Variants in TIFAB observed in about 807,000 individuals in gnomAD.
The protein encoded by TIFAB is TRAF-interacting protein with FHA domain-containing protein B.
For missense variants in TIFAB, 222 were observed against 203.6 expected (o/e 1.09, Z -0.55); for synonymous variants, 116 against 95.2 (o/e 1.22, Z -1.27).
rs1458295016 is a variant in TIFAB at position 135,446,780 on chromosome 5, T to C, written c.*2674A>G. On this transcript the variant is annotated 3_prime_UTR_variant, in exon 2 of 2. Coordinates refer to ENST00000537858, the MANE Select transcript of TIFAB (RefSeq NM_001099221.2). ...CCTTCTGCTGCTATGCAGTTCATCC[T>C]GGGTCCCTGAGGGCCTCGCAGATGC... 2.5e-6 allele frequency: 4 copies of C among 1,613,952 alleles called. No homozygotes were observed. Among genetic ancestry groups the C allele is most frequent in the Non-Finnish European group, 3.4e-6 (4 of 1,179,832 alleles).
chr5:135,449,477 G>A lies in TIFAB; in HGVS notation c.463C>T (p.Gln155Ter). The A allele has an allele frequency of 5.0e-6, 8 of 1,614,044 alleles. No individual in the cohort carries two copies. Among genetic ancestry groups the A allele is most frequent in the Non-Finnish European group, 6.8e-6 (8 of 1,180,016 alleles). Residue 155 changes from glutamine to a stop codon, truncating the protein, a stop_gained, in exon 2 of 2, where the codon CAG becomes TAG. Transcript: ENST00000537858. LOFTEE classifies it low-confidence loss of function (END_TRUNC). ...TGCTACCCTGAACCAGGGGGAGGCT[G>A]CCCCTGGGAGATGCCTTCCCATTCG... ...TDEWEGISQG[Q>*]PPPGSG
rs960779952 is a variant in TIFAB at position 135,447,386 on chromosome 5, G to A, written c.*2068C>T. On this transcript the variant is annotated 3_prime_UTR_variant, in exon 2 of 2. Coordinates refer to ENST00000537858, the MANE Select transcript of TIFAB (RefSeq NM_001099221.2). ...TGGGGTGTGAGTCTTCCTTAGCTCC[G>A]TGTGGATGGTGAGCCCTCCTCTCTC... 6.6e-5 allele frequency: 33 copies of A among 502,916 alleles called. No individual in the cohort carries two copies. Among genetic ancestry groups the A allele is most frequent in the Middle Eastern group, 1.1e-3 (2 of 1,826 alleles). The allele number at this position is 502,916 out of a possible 1,614,324, so 31.2% of individuals were successfully genotyped here. A position where few individuals can be genotyped will look rare whatever the true frequency, so the allele number is the denominator to read the frequency against.
In TIFAB at chr5:135,447,583, C is replaced by T. The variant is rs553430521; in HGVS notation, c.*1871G>A. Reference sequence around the variant, plus strand: ...AGCAGACTAAATCACTTGCCCAAATCGCATAGCTACTGATGGTGTGATGTT... The same window carrying T: ...AGCAGACTAAATCACTTGCCCAAATTGCATAGCTACTGATGGTGTGATGTT... On this transcript the variant is annotated 3_prime_UTR_variant, in exon 2 of 2. Coordinates refer to ENST00000537858, the MANE Select transcript of TIFAB (RefSeq NM_001099221.2). 3.3e-4 allele frequency: 57 copies of T among 172,208 alleles called. No individual in the cohort carries two copies. In the South Asian group the frequency reaches 7.3e-3, roughly 22 times the overall value. 10.7% of individuals were successfully genotyped at this position (172,208 alleles called of 1,614,324 possible). A position where few individuals can be genotyped will look rare whatever the true frequency, so the allele number is the denominator to read the frequency against.
rs369906542 is a variant in TIFAB at position 135,449,670 on chromosome 5, C to T, written c.270G>A (p.Thr90=). 3.0e-5 allele frequency: 48 copies of T among 1,614,072 alleles called. No homozygotes were observed. The highest frequency in any genetic ancestry group is 3.6e-5 in the Non-Finnish European group (43 of 1,180,052). Residue 90 remains threonine (T), a synonymous_variant, in exon 2 of 2, where the codon ACG becomes ACA. Coordinates refer to ENST00000537858, the MANE Select transcript of TIFAB (RefSeq NM_001099221.2). ...GGGGGACCTGCTCCAGGTACCTCAG[C>T]GTCAGCCCATTGACCCACACACAGC... is the stretch of plus-strand genomic sequence containing the variant. ...RKGCVWVNGL[T]LRYLEQVPLS... is the part of the protein sequence containing the mutation.
At position 135,448,413 on chromosome 5, in the gene TIFAB, C is replaced by T. The variant is rs903872554; in HGVS notation, c.*1041G>A. 4 of 152,120 alleles carry T rather than the reference C, an allele frequency of 2.6e-5. No individual in the cohort carries two copies. The highest frequency in any genetic ancestry group is 5.9e-5 in the Non-Finnish European group (4 of 68,064). The allele number at this position is 152,120 out of a possible 1,614,324, so 9.4% of individuals were successfully genotyped here. A position where few individuals can be genotyped will look rare whatever the true frequency, so the allele number is the denominator to read the frequency against. On this transcript the variant is annotated 3_prime_UTR_variant, in exon 2 of 2. Transcript: ENST00000537858. ...AGCATGGCGTGGCAAATAGCTGCTG[C>T]CCTTGTTCACCGAGAAAATCCTCCT...
intron 1 of TIFAB, chr5:135,450,789 C>T (rs1316202690): frequency 6.6e-6 from 1 of 152,298 alleles, no homozygotes; most frequent in African/African-American, 2.4e-5. Context: ...CATTATTTCT[C>T]TCCTAAGAAT....
Position 135,447,266 on chromosome 5 carries a change from C to T in TIFAB, c.*2188G>A, listed in dbSNP as rs576224327. ...GATGCAAGGAGCAGATTAAAATCCC[C>T]TCCCTGTTGCCTACCAGGTCCGTGG... On this transcript the variant is annotated 3_prime_UTR_variant, in exon 2 of 2. Coordinates refer to ENST00000537858, the MANE Select transcript of TIFAB (RefSeq NM_001099221.2). 3.5e-5 allele frequency: 30 copies of T among 845,608 alleles called. No homozygotes were observed. In the South Asian group the frequency reaches 5.4e-4, roughly 15 times the overall value. The allele number at this position is 845,608 out of a possible 1,614,324, so 52.4% of individuals were successfully genotyped here.
At position 135,446,953 on chromosome 5, in the gene TIFAB, C is replaced by T; in HGVS notation, c.*2501G>A. On this transcript the variant is annotated 3_prime_UTR_variant, in exon 2 of 2. Coordinates refer to ENST00000537858, the MANE Select transcript of TIFAB (RefSeq NM_001099221.2). ...GGAGAGGGGCACTCAGGGGCAGCAGCTCATTCCCAAAGTTCTCTGGTGGAG... is the reference window on the plus strand; with the variant it reads ...GGAGAGGGGCACTCAGGGGCAGCAGTTCATTCCCAAAGTTCTCTGGTGGAG... The T allele has an allele frequency of 1.2e-6, 2 of 1,612,848 alleles. No individual in the cohort carries two copies. The highest frequency in any genetic ancestry group is 1.7e-6 in the Non-Finnish European group (2 of 1,179,344).
chr5:135,449,617 GAGA>G lies in TIFAB; in HGVS notation c.320_322del (p.Phe107del), dbSNP rs749157605. On this transcript the variant is annotated inframe_deletion, in exon 2 of 2. Transcript: ENST00000537858. ...TACGCGAACCAGCATCTGGATGCCTGAGAAGGAGACCCTGTTGACGGTGCTCAG... is the reference window on the plus strand; with the variant it reads ...TACGCGAACCAGCATCTGGATGCCTGAGGAGACCCTGTTGACGGTGCTCAG... 7 of 1,614,100 alleles carry G rather than the reference GAGA, an allele frequency of 4.3e-6. No individual in the cohort carries two copies. Among genetic ancestry groups the G allele is most frequent in the Non-Finnish European group, 4.2e-6 (5 of 1,180,058 alleles).
rs934193260 is a variant in TIFAB at position 135,449,885 on chromosome 5, G to T, written c.55C>A (p.Pro19Thr). ...RVSLYHPTLGPSAFANVPPRL... is the reference protein window; with the variant it reads ...RVSLYHPTLGTSAFANVPPRL... ...GGTGGGACATTGGCAAAGGCAGATG[G>T]GCCCAGCGTGGGATGGTACAGGCTC... Residue 19 changes from proline to threonine, a missense_variant, in exon 2 of 2, where the codon CCA becomes ACA. Pro to Thr is a conservative substitution (Grantham distance 38). Coordinates refer to ENST00000537858, the MANE Select transcript of TIFAB (RefSeq NM_001099221.2). The T allele has an allele frequency of 1.9e-6, 3 of 1,568,302 alleles. No individual in the cohort carries two copies. The highest frequency in any genetic ancestry group is 2.6e-6 in the Non-Finnish European group (3 of 1,155,002).
chr5:135,446,685 T>G lies in TIFAB; in HGVS notation c.*2769A>C. On this transcript the variant is annotated 3_prime_UTR_variant, in exon 2 of 2. Transcript: ENST00000537858. ...TTTCCCGGTGAGACTGTGTGAACTGTGAACGGGTAGAGTCTGAAACTACAA... is the reference window on the plus strand; with the variant it reads ...TTTCCCGGTGAGACTGTGTGAACTGGGAACGGGTAGAGTCTGAAACTACAA... The G allele has an allele frequency of 6.2e-7, 1 of 1,613,916 alleles. No homozygotes were observed. Among genetic ancestry groups the G allele is most frequent in the Non-Finnish European group, 8.5e-7 (1 of 1,179,792 alleles).
rs534490141 is a variant in TIFAB at position 135,449,376 on chromosome 5, C to G, written c.*78G>C. On this transcript the variant is annotated 3_prime_UTR_variant, in exon 2 of 2. Transcript: ENST00000537858. ...TCCCTCTGGAGCTGTATTTCTGTTC[C>G]TCCTCCAGGTCTTGGCTGGAGAGGG... The G allele has an allele frequency of 1.3e-6, 2 of 1,562,392 alleles. No individual in the cohort carries two copies. Among genetic ancestry groups the G allele is most frequent in the Non-Finnish European group, 1.7e-6 (2 of 1,156,878 alleles).
chr5:135,447,253 A>G lies in TIFAB; in HGVS notation c.*2201T>C, dbSNP rs1474298665. Reference sequence around the variant, plus strand: ...TATTGGACCTTCTGATGCAAGGAGCAGATTAAAATCCCCTCCCTGTTGCCT... The same window carrying G: ...TATTGGACCTTCTGATGCAAGGAGCGGATTAAAATCCCCTCCCTGTTGCCT... On this transcript the variant is annotated 3_prime_UTR_variant, in exon 2 of 2. Coordinates refer to ENST00000537858, the MANE Select transcript of TIFAB (RefSeq NM_001099221.2). 1.0e-6 allele frequency: 1 copy of G among 981,578 alleles called. No homozygotes were observed. Among genetic ancestry groups the G allele is most frequent in the Non-Finnish European group, 1.5e-6 (1 of 663,924 alleles). The allele number at this position is 981,578 out of a possible 1,614,324, so 60.8% of individuals were successfully genotyped here.
At chr5:135,450,200 C>A (rs941482787) in intron 1 of TIFAB, among the ~76,000 whole-genome samples, 42 of 152,216 alleles carry the variant, frequency 2.8e-4, no homozygotes, top group Admixed American at 6.5e-5. Flanking sequence ...TATATCTGTC[C>A]TTGTCTATGC....
chr5:135,449,644 A>T lies in TIFAB; in HGVS notation c.296T>A (p.Leu99Gln), dbSNP rs1444491499. 6.2e-7 allele frequency: 1 copy of T among 1,614,186 alleles called. No individual in the cohort carries two copies. Among genetic ancestry groups the T allele is most frequent in the Non-Finnish European group, 8.5e-7 (1 of 1,180,036 alleles). Reference sequence around the variant, plus strand: ...GAAGGAGACCCTGTTGACGGTGCTCAGGGGGACCTGCTCCAGGTACCTCAG... The same window carrying T: ...GAAGGAGACCCTGTTGACGGTGCTCTGGGGGACCTGCTCCAGGTACCTCAG... ...LTLRYLEQVP[L>Q]STVNRVSFSG... The change falls in exon 2 of 2, where the codon CTG becomes CAG. Residue 99 changes from leucine (L) to glutamine (Q), a missense_variant. Coordinates refer to ENST00000537858, the MANE Select transcript of TIFAB (RefSeq NM_001099221.2).
rs2150032336 is a variant in TIFAB, at chr5:135,446,869, G to A, written c.*2585C>T. 1 of 1,613,874 alleles carries A rather than the reference G, an allele frequency of 6.2e-7. No individual in the cohort carries two copies. The highest frequency in any genetic ancestry group is 1.3e-5 in the African/African-American group (1 of 75,050). ...GGAATTGAACTGCCCCCTCTCGCAG[G>A]ACCCCAGCTGGCAAGGTTTTGTTCC... is the stretch of plus-strand genomic sequence containing the variant. On this transcript the variant is annotated 3_prime_UTR_variant, in exon 2 of 2. Coordinates refer to ENST00000537858, the MANE Select transcript of TIFAB (RefSeq NM_001099221.2).
chr5:135,447,356 C>T lies in TIFAB; in HGVS notation c.*2098G>A. On this transcript the variant is annotated 3_prime_UTR_variant, in exon 2 of 2. Transcript: ENST00000537858. ...GTAAGCCCTTGGGTTCTGGAGCCAG[C>T]TTACTGGGGTGTGAGTCTTCCTTAG... The T allele has an allele frequency of 1.8e-6, 1 of 564,680 alleles. No homozygotes were observed. The highest frequency in any genetic ancestry group is 3.2e-6 in the Non-Finnish European group (1 of 311,760). The allele number at this position is 564,680 out of a possible 1,614,324, so 35.0% of individuals were successfully genotyped here.
rs1769282387 is a variant in TIFAB, at chr5:135,447,052, A to T, written c.*2402T>A. 6.2e-7 allele frequency: 1 copy of T among 1,613,888 alleles called. No individual in the cohort carries two copies. Among genetic ancestry groups the T allele is most frequent in the Admixed American group, 1.7e-5 (1 of 60,008 alleles). The stretch of plus-strand genomic sequence containing the variant: ...TCTCCAGTCTTTGGTGTCCAGGTAC[A>T]GTCTCCAGGCCGTGGCTTCTCGAGT... On this transcript the variant is annotated 3_prime_UTR_variant, in exon 2 of 2. Transcript: ENST00000537858.
At position 135,446,212 on chromosome 5, in the gene TIFAB, C is replaced by T; in HGVS notation, c.*3242G>A. The T allele has an allele frequency of 1.2e-6, 1 of 851,648 alleles. No individual in the cohort carries two copies. Among genetic ancestry groups the T allele is most frequent in the Non-Finnish European group, 1.8e-6 (1 of 559,410 alleles). 52.8% of individuals were successfully genotyped at this position (851,648 alleles called of 1,614,324 possible). A position where few individuals can be genotyped will look rare whatever the true frequency, so the allele number is the denominator to read the frequency against. On this transcript the variant is annotated 3_prime_UTR_variant, in exon 2 of 2. Coordinates refer to ENST00000537858, the MANE Select transcript of TIFAB (RefSeq NM_001099221.2). ...GGCACGGAGAGATTCAGTTACTTGT[C>T]CAGGATCACAGAACTATAGTAAGTG...
Sources: gnomAD v4.1 joint callset for allele counts (sites outside exome capture counted in the v4.1 genomes callset) on GRCh38, gnomAD v4.1.1 for gene constraint, MANE v1.5 for transcripts, NCBI Gene and HGNC (gene_info 2026-07-23, HGNC 2026-07-21) for gene names.